C1orf141: variants seen among roughly 807,000 people sequenced by gnomAD.
C1orf141 encodes the protein uncharacterized protein C1orf141.
In C1orf141, 19 loss-of-function variants were observed where a neutral mutation model predicts 23.2. The observed-to-expected ratio is 0.82, with a 90% CI of 0.57 to 1.20. C1orf141 has a LOEUF of 1.20. C1orf141 is among the 50% of genes most tolerant of loss of function. C1orf141 has a pLI of 0.00. For missense variants in C1orf141, 469 were observed against 455.1 expected (o/e 1.03, Z -0.28); for synonymous variants, 153 against 154.6 (o/e 0.99, Z 0.08).
chr1:67,099,615 A>T (rs540947678), intron 5 of C1orf141, among the ~76,000 whole-genome samples: 1 of 152,276 alleles, frequency 6.6e-6, no homozygotes, highest in South Asian at 2.1e-4. Context: ...CCCCATCTCT[A>T]CTAAAAATAC....
chr1:67,115,475 T>A lies in C1orf141; in HGVS notation c.234-11A>T, dbSNP rs767751659. On this transcript the variant is annotated splice_polypyrimidine_tract_variant and intron_variant, in intron 4 of 7. Coordinates refer to ENST00000684719, the MANE Select transcript of C1orf141 (RefSeq NM_001276351.2). ...TTGAAAGAGACATGCCTGGAAGAAA[T>A]AAAAATTAATTTAAATTAAAATAAT... is the stretch of plus-strand genomic sequence containing the variant. 2.2e-4 allele frequency: 229 copies of A among 1,050,620 alleles called. No homozygotes were observed. Among genetic ancestry groups the A allele is most frequent in the Non-Finnish European group, 2.9e-4 (206 of 714,448 alleles). 65.1% of individuals were successfully genotyped at this position (1,050,620 alleles called of 1,614,324 possible).
intron 5 of C1orf141, among the ~76,000 whole-genome samples, chr1:67,108,597 G>A (rs895095281): frequency 6.6e-6 from 1 of 152,116 alleles, no homozygotes; most frequent in Non-Finnish European, 1.5e-5. Context: ...GCATGGTGGT[G>A]CATACCTGTA....
In C1orf141 at chr1:67,095,433, C is replaced by T; in HGVS notation, c.417-12G>A. The T allele has an allele frequency of 2.0e-6, 3 of 1,471,898 alleles. No individual in the cohort carries two copies. The African/African-American group carries it at 4.3e-5, about 21-fold the overall frequency. The allele number at this position is 1,471,898 out of a possible 1,614,324, so 91.2% of individuals were successfully genotyped here. A position where few individuals can be genotyped will look rare whatever the true frequency, so the allele number is the denominator to read the frequency against. On this transcript the variant is annotated splice_polypyrimidine_tract_variant and intron_variant, in intron 6 of 7. Transcript: ENST00000684719. ...GTGGAGATTTTTTTCTGAAAATAAA[C>T]ACAGTTCAGGGTAGTGTTCATGGGG...
At chr1:67,123,538 T>C (rs1646342733) in intron 4 of C1orf141, 1 of 152,150 alleles carries the variant, frequency 6.6e-6, no homozygotes, top group African/African-American at 2.4e-5. Flanking sequence ...TTCTGCTATC[T>C]AGAAGCAGAT....
At position 67,095,436 on chromosome 1, in the gene C1orf141, A is replaced by G. The variant is rs1212715123; in HGVS notation, c.417-15T>C. 1.4e-6 allele frequency: 2 copies of G among 1,427,868 alleles called. No individual in the cohort carries two copies. Among genetic ancestry groups the G allele is most frequent in the South Asian group, 2.7e-5 (2 of 72,742 alleles). The allele number at this position is 1,427,868 out of a possible 1,614,324, so 88.4% of individuals were successfully genotyped here. On this transcript the variant is annotated splice_polypyrimidine_tract_variant and intron_variant, in intron 6 of 7. Coordinates refer to ENST00000684719, the MANE Select transcript of C1orf141 (RefSeq NM_001276351.2). ...GAGATTTTTTTCTGAAAATAAACACAGTTCAGGGTAGTGTTCATGGGGCTG... is the reference window on the plus strand; with the variant it reads ...GAGATTTTTTTCTGAAAATAAACACGGTTCAGGGTAGTGTTCATGGGGCTG...
intron 5 of C1orf141, among the ~76,000 whole-genome samples, chr1:67,104,793 C>T (rs1262524068): frequency 2.0e-5 from 3 of 152,032 alleles, no homozygotes; most frequent in African/African-American, 7.2e-5. Context: ...GGATTTTTCA[C>T]AAATTTAAAA....
chr1:67,115,921 A>G (rs1030682077), intron 4 of C1orf141, among the ~76,000 whole-genome samples: 1 of 152,180 alleles, frequency 6.6e-6, no homozygotes, highest in African/African-American at 2.4e-5. Flanking sequence ...GGTATATTAG[A>G]AAATTAATAG....
At chr1:67,109,666 G>C (rs1169268478) in intron 5 of C1orf141, among the ~76,000 whole-genome samples, 1 of 152,156 alleles carries the variant, frequency 6.6e-6, no homozygotes, top group African/African-American at 2.4e-5. Context: ...TTGATCCCAG[G>C]CAAGTTGCTT....
At chr1:67,121,447 C>T (rs542025275) in intron 4 of C1orf141, among the ~76,000 whole-genome samples, 53 of 152,208 alleles carry the variant, frequency 3.5e-4, no homozygotes, top group South Asian at 2.1e-4. Context: ...TAAATACTCC[C>T]GTTGTCAATT....
At chr1:67,100,896 C>A (rs753248817) in intron 5 of C1orf141, among the ~76,000 whole-genome samples, 1 of 152,258 alleles carries the variant, frequency 6.6e-6, no homozygotes, top group Non-Finnish European at 1.5e-5. Flanking sequence ...CCTGGAAGAT[C>A]GTGGAGAAGT....
At chr1:67,106,661 A>C (rs1645934574) in intron 5 of C1orf141, among the ~76,000 whole-genome samples, 1 of 152,190 alleles carries the variant, frequency 6.6e-6, no homozygotes, top group Non-Finnish European at 1.5e-5. Context: ...TCATCTAACA[A>C]ACAAAAACAG....
intron 2 of C1orf141, among the ~76,000 whole-genome samples, chr1:67,127,814 T>C (rs1646445117): frequency 1.3e-5 from 2 of 151,994 alleles, no homozygotes; most frequent in Non-Finnish European, 2.9e-5. Context: ...TTTGTATTTT[T>C]AGTAGAGACA....
At chr1:67,101,190 A>T (rs4655674) in intron 5 of C1orf141, among the ~76,000 whole-genome samples, 88,464 of 151,954 alleles carry the variant, frequency 0.58, 27,807 homozygotes, top group East Asian at 0.79. Context: ...CTCTTCTGTT[A>T]TCAACCCTCC....
intron 3 of C1orf141, 129 bp downstream of exon 3, chr1:67,127,037 T>C: frequency 1.9e-6 from 1 of 518,918 alleles, no homozygotes; most frequent in Admixed American, 3.6e-5. Flanking sequence ...TCAACTAGTA[T>C]AATTAGTTGC....
At chr1:67,121,393 A>G (rs1646296191) in intron 4 of C1orf141, among the ~76,000 whole-genome samples, 1 of 152,196 alleles carries the variant, frequency 6.6e-6, no homozygotes, top group Admixed American at 6.5e-5. Context: ...TAGACAGACA[A>G]CGACTCAAGC....
At chr1:67,127,959 G>T (rs973502444) in intron 2 of C1orf141, among the ~76,000 whole-genome samples, 1 of 151,946 alleles carries the variant, frequency 6.6e-6, no homozygotes, top group African/African-American at 2.4e-5. Flanking sequence ...GGACATATCT[G>T]TTTTCTTTTT....
chr1:67,114,769 T>A (rs367636729), intron 5 of C1orf141, among the ~76,000 whole-genome samples: 1 of 152,336 alleles, frequency 6.6e-6, no homozygotes, highest in South Asian at 2.1e-4. Flanking sequence ...CTCTGCCTCC[T>A]GGGTTCAAGC....
upstream of C1orf141, among the ~76,000 whole-genome samples, chr1:67,138,375 C>G (rs1168342154): frequency 6.6e-6 from 1 of 152,184 alleles, no homozygotes; most frequent in Non-Finnish European, 1.5e-5. Flanking sequence ...TCTTTCAGGT[C>G]CTATGTTACT....
At position 67,095,359 on chromosome 1, in the gene C1orf141, T is replaced by C. The variant is rs1415155673; in HGVS notation, c.479A>G (p.Gln160Arg). 6.4e-7 allele frequency: 1 copy of C among 1,570,812 alleles called. No homozygotes were observed. The highest frequency in any genetic ancestry group is 8.7e-7 in the Non-Finnish European group (1 of 1,152,054). Reference sequence around the variant, plus strand: ...TCTTACTGACCTATACTTACTTAATTGATAATTTCTGACCGATTTGTTTTC... The same window carrying C: ...TCTTACTGACCTATACTTACTTAATCGATAATTTCTGACCGATTTGTTTTC... The part of the protein sequence containing the change: ...IKENKSVRNY[Q>R]LSKYRSVRKK... Residue 160 changes from glutamine (Q) to arginine (R), a missense_variant, in exon 7 of 8, where the codon CAA (glutamine) becomes CGA (arginine). Transcript: ENST00000684719.
Sources: allele counts gnomAD v4.1 joint callset (sites outside exome capture counted in the v4.1 genomes callset), GRCh38; gene constraint gnomAD v4.1.1; transcripts MANE v1.5; gene names NCBI Gene and HGNC (gene_info 2026-07-23, HGNC 2026-07-21).